LIMK1: variants seen among roughly 807,000 people sequenced by gnomAD.
LIMK1 encodes LIM domain kinase 1.
A neutral mutation model predicts 77.6 loss-of-function variants in LIMK1; 21 were observed. That is an observed-to-expected ratio of 0.27 (90% CI 0.19 to 0.39). The LOEUF (loss-of-function observed/expected upper bound fraction) is 0.39, where lower values mean the gene tolerates loss of function less well. LIMK1 is among the 10% of genes least tolerant of loss of function. LIMK1 has a pLI of 1.00. For synonymous variants in LIMK1, 358 were observed against 370.0 expected, an observed-to-expected ratio of 0.97 and a Z score of 0.37; for missense variants, 696 against 901.6, an observed-to-expected ratio of 0.77 and a Z score of 2.92.
chr7:74,120,547 T>C (rs1554700358), intron 13 of LIMK1, 36 bp from the exon 14 acceptor site: 9 of 1,608,156 alleles, frequency 5.6e-6, no homozygotes, highest in Non-Finnish European at 7.7e-6. Flanking sequence ...GGCACCCCCA[T>C]GTGTTCATCT....
chr7:74,104,528 G>A (rs1330920596), intron 5 of LIMK1, among the ~76,000 whole-genome samples: 1 of 151,832 alleles, frequency 6.6e-6, no homozygotes, highest in African/African-American at 2.4e-5. Flanking sequence ...AGGAGCCTGA[G>A]GCAAGAGAAT....
intron 5 of LIMK1, 147 bp from the exon 6 acceptor site, chr7:74,105,728 T>G: frequency 3.3e-6 from 2 of 611,286 alleles, no homozygotes; most frequent in Non-Finnish European, 5.8e-6. Context: ...AAACCAGAAC[T>G]CGGTGTTCTG....
chr7:74,107,818 A>G (rs1250744848), intron 8 of LIMK1, 53 bp from the exon 9 acceptor site: 1 of 1,434,366 alleles, frequency 7.0e-7, no homozygotes, highest in Non-Finnish European at 9.6e-7. Flanking sequence ...GCTTCCTAGA[A>G]GGCGGGCTTA....
chr7:74,102,448 C>CAATTATGCTA (rs1799480939), intron 5 of LIMK1, among the ~76,000 whole-genome samples: 1 of 135,726 alleles, frequency 7.4e-6, no homozygotes, highest in Non-Finnish European at 1.5e-5. Flanking sequence ...GACTCCCCCA[C>CAATTATGCTA]AATTATGCTA....
At chr7:74,091,463 G>A (rs373855743) in intron 2 of LIMK1, among the ~76,000 whole-genome samples, 6 of 152,292 alleles carry the variant, frequency 3.9e-5, no homozygotes, top group African/African-American at 1.4e-4. Context: ...GCTGCAGTGA[G>A]CTGTGATCAC....
chr7:74,118,793 G>C (rs998482412), intron 13 of LIMK1, among the ~76,000 whole-genome samples: 16 of 152,150 alleles, frequency 1.1e-4, no homozygotes, highest in Admixed American at 3.3e-4. Context: ...TTAGGGATTA[G>C]TGTGAGGATT....
At chr7:74,112,670 A>T (rs868930909) in intron 12 of LIMK1, among the ~76,000 whole-genome samples, 3 of 151,996 alleles carry the variant, frequency 2.0e-5, no homozygotes, top group Admixed American at 1.3e-4. Context: ...CTAAAAATAT[A>T]AAAAATTAGC....
intron 2 of LIMK1, chr7:74,093,316 C>T (rs1799275007): frequency 2.0e-6 from 3 of 1,535,716 alleles, no homozygotes; most frequent in South Asian, 2.4e-5. Flanking sequence ...GGGAATCCCC[C>T]TCCCTACTTG....
intron 4 of LIMK1, among the ~76,000 whole-genome samples, chr7:74,097,855 C>T (rs782615504): frequency 2.6e-5 from 4 of 152,166 alleles, no homozygotes; most frequent in Non-Finnish European, 5.9e-5. Flanking sequence ...CACTTCTGAC[C>T]GACTGGCTAC....
chr7:74,100,669 G>A (rs782353578), intron 5 of LIMK1, among the ~76,000 whole-genome samples: 9 of 151,848 alleles, frequency 5.9e-5, no homozygotes, highest in Non-Finnish European at 1.2e-4. Flanking sequence ...CTCCCTTCTC[G>A]GCCTCCCAAA....
At position 74,096,727 on chromosome 7, in the gene LIMK1, G is replaced by A. The variant is rs782165775; in HGVS notation, c.258G>A (p.Gly86=). The A allele has an allele frequency of 1.9e-6, 3 of 1,612,550 alleles. No homozygotes were observed. Among genetic ancestry groups the A allele is most frequent in the African/African-American group, 2.7e-5 (2 of 74,894 alleles). ...CCCGCTATGGCGAGTCCTGCCATGG[G>A]TGCTCTGAGCAAATCACCAAGGGAC... The part of the protein sequence containing the change: ...YWARYGESCH[G]CSEQITKGLV... Residue 86 remains glycine, a synonymous_variant, in exon 3 of 16, where the codon GGG becomes GGA. Coordinates refer to ENST00000336180, the MANE Select transcript of LIMK1 (RefSeq NM_002314.4).
chr7:74,087,176 G>A (rs1172183667), intron 2 of LIMK1, among the ~76,000 whole-genome samples: 1 of 152,016 alleles, frequency 6.6e-6, no homozygotes, highest in Non-Finnish European at 1.5e-5. Flanking sequence ...GCTGAGGTGG[G>A]CAGATCACTT....
chr7:74,090,666 C>A (rs1799219039), intron 2 of LIMK1, among the ~76,000 whole-genome samples: 1 of 152,054 alleles, frequency 6.6e-6, no homozygotes, highest in South Asian at 2.1e-4. Flanking sequence ...TGCACTGAGA[C>A]CTTTGTTCCA....
intron 2 of LIMK1, among the ~76,000 whole-genome samples, chr7:74,095,911 C>T (rs1799328250): frequency 1.3e-5 from 2 of 151,158 alleles, no homozygotes; most frequent in Admixed American, 6.6e-5. Context: ...AGGAAACAGG[C>T]GAACCGTGGC....
Position 74,084,111 on chromosome 7 carries a change from G to T in LIMK1, c.55+66G>T. ...GTGCCCGGGGCAGCGTGGGGCACGG[G>T]AGGGGGCCGGGTCTGCCAGGAGGCC... On this transcript the variant is annotated intron_variant, in intron 1 of 15. Coordinates refer to ENST00000336180, the MANE Select transcript of LIMK1 (RefSeq NM_002314.4). The T allele has an allele frequency of 7.5e-6, 7 of 934,680 alleles. No homozygotes were observed. In the South Asian group the frequency reaches 1.3e-4, roughly 17 times the overall value. 57.9% of individuals were successfully genotyped at this position (934,680 alleles called of 1,614,324 possible).
chr7:74,092,067 AG>A (rs1444432397), intron 2 of LIMK1, among the ~76,000 whole-genome samples: 1 of 147,114 alleles, frequency 6.8e-6, no homozygotes, highest in Non-Finnish European at 1.5e-5. Flanking sequence ...CCCGGGTTCA[AG>A]CGATTCTCCT....
At chr7:74,095,287 C>T (rs140275328) in intron 2 of LIMK1, among the ~76,000 whole-genome samples, 1 of 152,134 alleles carries the variant, frequency 6.6e-6, no homozygotes, top group Non-Finnish European at 1.5e-5. Flanking sequence ...AGTGGCAGAG[C>T]GGGACGGACC....
intron 2 of LIMK1, among the ~76,000 whole-genome samples, chr7:74,088,694 C>G (rs868916443): frequency 6.7e-6 from 1 of 149,684 alleles, no homozygotes; most frequent in Non-Finnish European, 1.5e-5. Flanking sequence ...CCAAGCTACT[C>G]GGGAGGCTAA....
intron 12 of LIMK1, among the ~76,000 whole-genome samples, chr7:74,114,461 G>A (rs1315353809): frequency 6.6e-6 from 1 of 151,624 alleles, no homozygotes; most frequent in African/African-American, 2.4e-5. Flanking sequence ...GGAGGTGGGA[G>A]GATCGCTTGA....
Sources: gnomAD v4.1 joint callset for allele counts (sites outside exome capture counted in the v4.1 genomes callset) on GRCh38, gnomAD v4.1.1 for gene constraint, MANE v1.5 for transcripts, NCBI Gene and HGNC (gene_info 2026-07-23, HGNC 2026-07-21) for gene names.